SDK1: variants seen among roughly 807,000 people sequenced by gnomAD.
The protein encoded by SDK1 is sidekick cell adhesion molecule 1, also known as protein sidekick-1.
In SDK1, 157 loss-of-function variants were observed where a neutral mutation model predicts 245.5. The observed-to-expected ratio is 0.64, with a 90% CI of 0.56 to 0.73. SDK1 has a LOEUF of 0.73. SDK1 is among the 30% of genes least tolerant of loss of function. The pLI, the probability that SDK1 is intolerant of heterozygous loss-of-function variation, is 0.00. For synonymous variants in SDK1, 1,647 were observed against 1,278.5 expected, an observed-to-expected ratio of 1.29 and a Z score of -6.15; for missense variants, 3,583 against 3,002.3, an observed-to-expected ratio of 1.19 and a Z score of -4.52.
chr7:4,122,412 A>G (rs1784125255), intron 25 of SDK1, among the ~76,000 whole-genome samples: 1 of 152,132 alleles, frequency 6.6e-6, no homozygotes, highest in Non-Finnish European at 1.5e-5. Context: ...AGAGAATAAA[A>G]CAACTGCCTT....
chr7:3,382,610 C>T (rs1781515243), intron 1 of SDK1, among the ~76,000 whole-genome samples: 1 of 151,964 alleles, frequency 6.6e-6, no homozygotes, highest in Non-Finnish European at 1.5e-5. Context: ...CTTAATTGTC[C>T]TGATTTAAAA....
intron 5 of SDK1, among the ~76,000 whole-genome samples, chr7:3,922,232 C>T (rs1232086041): frequency 6.6e-6 from 1 of 152,168 alleles, no homozygotes. Context: ...GAGTTCTGGC[C>T]AGCTAAGCTC....
At chr7:3,463,153 A>G (rs1327433435) in intron 1 of SDK1, among the ~76,000 whole-genome samples, 1 of 152,146 alleles carries the variant, frequency 6.6e-6, no homozygotes, top group Non-Finnish European at 1.5e-5. Flanking sequence ...CCCTGACTCC[A>G]TGGAGATGGG....
intron 4 of SDK1, among the ~76,000 whole-genome samples, chr7:3,782,206 T>C (rs1780767141): frequency 1.3e-5 from 2 of 152,202 alleles, no homozygotes; most frequent in Admixed American, 1.3e-4. Context: ...CTTACAATCC[T>C]GGCAGAAGGC....
At chr7:3,502,108 A>G (rs17133477) in intron 1 of SDK1, among the ~76,000 whole-genome samples, 4,925 of 152,192 alleles carry the variant, frequency 0.032, 288 homozygotes, top group African/African-American at 0.11. Flanking sequence ...CAGTCACTAT[A>G]TTAGACAAAC....
At chr7:3,865,079 C>G (rs933677284) in intron 5 of SDK1, among the ~76,000 whole-genome samples, 1 of 152,192 alleles carries the variant, frequency 6.6e-6, no homozygotes, top group African/African-American at 2.4e-5. Context: ...TCCCCGTGCC[C>G]TCCAGCACGT....
chr7:3,394,873 T>A (rs1327294815), intron 1 of SDK1, among the ~76,000 whole-genome samples: 1 of 152,124 alleles, frequency 6.6e-6, no homozygotes, highest in East Asian at 1.9e-4. Context: ...CTAGATGTGC[T>A]TTTTAAAAAT....
At chr7:3,558,125 C>T (rs1272876653) in intron 1 of SDK1, among the ~76,000 whole-genome samples, 4 of 151,872 alleles carry the variant, frequency 2.6e-5, no homozygotes, top group African/African-American at 4.8e-5. Flanking sequence ...TTGAAATGGC[C>T]GGTATAGTTG....
intron 22 of SDK1, among the ~76,000 whole-genome samples, chr7:4,106,631 A>G (rs887447908): frequency 2.6e-5 from 4 of 152,144 alleles, no homozygotes; most frequent in African/African-American, 4.8e-5. Context: ...GTTTCCCAGC[A>G]TCTCTGCAGA....
At chr7:3,526,635 C>T (rs1309744600) in intron 1 of SDK1, among the ~76,000 whole-genome samples, 1 of 152,106 alleles carries the variant, frequency 6.6e-6, no homozygotes, top group African/African-American at 2.4e-5. Flanking sequence ...TTTCATTTCT[C>T]TTTTTCACCA....
intron 5 of SDK1, among the ~76,000 whole-genome samples, chr7:3,908,635 C>A (rs1779045261): frequency 6.6e-6 from 1 of 152,192 alleles, no homozygotes; most frequent in African/African-American, 2.4e-5. Flanking sequence ...TCAACCTCTT[C>A]TCACACCTAA....
chr7:4,212,613 C>T (rs1014067263), intron 38 of SDK1, among the ~76,000 whole-genome samples: 1 of 152,114 alleles, frequency 6.6e-6, no homozygotes, highest in African/African-American at 2.4e-5. Context: ...GGGGCCTGGA[C>T]GAGGCTGCCT....
intron 1 of SDK1, among the ~76,000 whole-genome samples, chr7:3,366,868 A>C (rs1038887527): frequency 6.6e-6 from 1 of 152,002 alleles, no homozygotes; most frequent in Admixed American, 6.5e-5. Flanking sequence ...CAGCCTCCCA[A>C]GTAACTGGGA....
Position 4,268,140 on chromosome 7 carries a change from C to T in SDK1, c.*2756C>T, listed in dbSNP as rs3823687. 6.2e-3 allele frequency: 6,080 copies of T among 985,958 alleles called. 183 individuals carry two copies. The African/African-American group carries it at 0.076, about 12-fold the overall frequency. 61.1% of individuals were successfully genotyped at this position (985,958 alleles called of 1,614,324 possible). On this transcript the variant is annotated 3_prime_UTR_variant, in exon 45 of 45. Coordinates refer to ENST00000404826, the MANE Select transcript of SDK1 (RefSeq NM_152744.4). ...CTGCCGTGCTGAAAGTCATGCCTTG[C>T]GGATGCCTCATGACAGCAGTGGCTG...
At chr7:3,435,505 G>T (rs1583853607) in intron 1 of SDK1, among the ~76,000 whole-genome samples, 3 of 149,212 alleles carry the variant, frequency 2.0e-5, no homozygotes, top group Admixed American at 2.0e-4. Context: ...TAATTATTAT[G>T]ATTATGATTA....
chr7:3,589,842 T>C lies in SDK1; in HGVS notation c.299-29238T>C, dbSNP rs529984726. 9.9e-5 allele frequency among the ~76,000 whole-genome samples: 15 copies of C among 152,168 alleles called. No homozygotes were observed. The East Asian group carries it at 2.7e-3, about 27-fold the overall frequency. On this transcript the variant is annotated intron_variant, in intron 1 of 44. Transcript: ENST00000404826. The stretch of plus-strand genomic sequence containing the variant: ...TGGGTGGGGACACAGACAAACCATA[T>C]CAGAAGACAGTTATAATATTTGCAT...
chr7:4,123,837 G>T (rs1784219896), intron 25 of SDK1, among the ~76,000 whole-genome samples: 1 of 152,232 alleles, frequency 6.6e-6, no homozygotes, highest in Admixed American at 6.5e-5. Flanking sequence ...TAATGTCCAT[G>T]CAGGGAAGGT....
chr7:3,869,676 G>C (rs7785202), intron 5 of SDK1, among the ~76,000 whole-genome samples: 7,869 of 152,214 alleles, frequency 0.052, 637 homozygotes, highest in African/African-American at 0.17. Context: ...TGTGGGTACA[G>C]TGTTTTTAAC....
intron 32 of SDK1, among the ~76,000 whole-genome samples, chr7:4,166,137 A>G (rs1397054291): frequency 6.6e-6 from 1 of 152,230 alleles, no homozygotes; most frequent in East Asian, 1.9e-4. Context: ...ATCCCAAGCA[A>G]TTGATCACAC....
Sources: allele counts gnomAD v4.1 joint callset (sites outside exome capture counted in the v4.1 genomes callset), GRCh38; gene constraint gnomAD v4.1.1; transcripts MANE v1.5; gene names NCBI Gene and HGNC (gene_info 2026-07-23, HGNC 2026-07-21).